CTNND1: variants seen among roughly 807,000 people sequenced by gnomAD.
CTNND1 encodes catenin delta 1.
Under a neutral mutation model 112.1 loss-of-function variants are expected in CTNND1, and 16 were observed. The ratio of observed to expected loss-of-function variants is 0.14; its 90% CI spans 0.10 to 0.22. CTNND1 has a LOEUF of 0.22. Ranked by LOEUF, CTNND1 falls within the 10% of genes least tolerant of loss-of-function variation. The pLI is 1.00. For missense variants in CTNND1, 1,008 were observed against 1,257.0 expected, an observed-to-expected ratio of 0.80 and a Z score of 3.00; for synonymous variants, 420 against 446.5, an observed-to-expected ratio of 0.94 and a Z score of 0.75.
intron 17 of CTNND1, among the ~76,000 whole-genome samples, chr11:57,812,569 A>G (rs977281394): frequency 2.0e-5 from 3 of 152,174 alleles, no homozygotes; most frequent in African/African-American, 7.2e-5. Flanking sequence ...TTGAGTATAC[A>G]TCTTTTTAAT....
At chr11:57,801,051 C>T (rs1215190508) in intron 6 of CTNND1, among the ~76,000 whole-genome samples, 1 of 152,170 alleles carries the variant, frequency 6.6e-6, no homozygotes, top group Non-Finnish European at 1.5e-5. Flanking sequence ...CCTCTTAACA[C>T]ATTTGTTGAG....
chr11:57,776,647 A>G lies in CTNND1; in HGVS notation c.-213-12390A>G, dbSNP rs535790773. Among the ~76,000 whole-genome samples the G allele has an allele frequency of 5.1e-4, 78 of 152,302 alleles. 1 individual carries two copies. Among genetic ancestry groups the G allele is most frequent in the Admixed American group, 6.5e-4 (10 of 15,302 alleles). On this transcript the variant is annotated intron_variant, in intron 1 of 20. Coordinates refer to ENST00000399050, the MANE Select transcript of CTNND1 (RefSeq NM_001085458.2). ...TTATTCCTTTAGTTGGGCTTTCTAA[A>G]TATGTCTGCAAAGAGTCTGAGATAC...
chr11:57,788,598 A>T lies in CTNND1; in HGVS notation c.-213-439A>T, dbSNP rs1275027905. 6.6e-6 allele frequency among the ~76,000 whole-genome samples: 1 copy of T among 152,054 alleles called. No homozygotes were observed. The highest frequency in any genetic ancestry group is 1.5e-5 in the Non-Finnish European group (1 of 68,008). ...AGGCTAGTCCCCACATGTCTTCCCC[A>T]CACAACTTTTGCATTGGTTTCTCAA... On this transcript the variant is annotated intron_variant, in intron 1 of 20. Coordinates refer to ENST00000399050, the MANE Select transcript of CTNND1 (RefSeq NM_001085458.2). This position sits in a 1 kb window ranked among gnomAD's most constrained non-coding sequence, Gnocchi z 4.1.
chr11:57,809,230 AC>A (rs780729975), intron 14 of CTNND1, 43 bp from the exon 15 acceptor site: 1 of 1,461,268 alleles, frequency 6.8e-7, no homozygotes, highest in Non-Finnish European at 9.5e-7. Context: ...GCTCTTCATG[AC>A]CTGACTTGAT....
chr11:57,815,183 T>C (rs2063812348), intron 18 of CTNND1, among the ~76,000 whole-genome samples: 1 of 152,118 alleles, frequency 6.6e-6, no homozygotes, highest in African/African-American at 2.4e-5. Context: ...CCGTCTCAGC[T>C]TCCCAAAGTG....
Position 57,796,837 on chromosome 11 carries a change from G to A in CTNND1, c.801G>A (p.Gly267=). The change falls in exon 6 of 21, where the codon GGG becomes GGA. Residue 267 remains glycine, a synonymous_variant. Transcript: ENST00000399050. ...YGPQPQVRVG[G]SSVDLHRFHP... is the part of the protein sequence containing the mutation. ...CCCAACCCCAGGTTCGGGTAGGTGGGAGCAGCGTGGATCTGCATCGCTTTC... is the reference window on the plus strand; with the variant it reads ...CCCAACCCCAGGTTCGGGTAGGTGGAAGCAGCGTGGATCTGCATCGCTTTC... 1 of 1,611,860 alleles carries A rather than the reference G, an allele frequency of 6.2e-7. No individual in the cohort carries two copies. The highest frequency in any genetic ancestry group is 8.5e-7 in the Non-Finnish European group (1 of 1,178,518).
chr11:57,796,354 T>C (rs1232541571), intron 5 of CTNND1, 103 bp from the exon 6 acceptor site: 78 of 1,154,674 alleles, frequency 6.8e-5, no homozygotes, highest in Admixed American at 1.1e-4. Context: ...GCCATTGCAC[T>C]CCAGCCAGGG....
intron 6 of CTNND1, among the ~76,000 whole-genome samples, chr11:57,799,784 A>G (rs1333043431): frequency 1.3e-5 from 2 of 152,174 alleles, no homozygotes; most frequent in Non-Finnish European, 2.9e-5. Context: ...CATGTTCAAT[A>G]CAGAGCCTGA....
rs2063997303 is a variant in CTNND1, at chr11:57,816,382, C to A, written c.*74C>A. ...GTGGTGAAATTGACTGATGATTTTCCTTTTTCTTCGCTGGACTATTGTGCC... is the reference window on the plus strand; with the variant it reads ...GTGGTGAAATTGACTGATGATTTTCATTTTTCTTCGCTGGACTATTGTGCC... On this transcript the variant is annotated 3_prime_UTR_variant, in exon 21 of 21. Coordinates refer to ENST00000399050, the MANE Select transcript of CTNND1 (RefSeq NM_001085458.2). 2 of 1,592,184 alleles carry A rather than the reference C, an allele frequency of 1.3e-6. No homozygotes were observed. Among genetic ancestry groups the A allele is most frequent in the East Asian group, 2.2e-5 (1 of 44,794 alleles).
rs200199564 is a variant in CTNND1, at chr11:57,804,733, A to G, written c.1675A>G (p.Ile559Val). The G allele has an allele frequency of 1.0e-4, 164 of 1,613,900 alleles. No individual in the cohort carries two copies. The highest frequency in any genetic ancestry group is 1.3e-4 in the Non-Finnish European group (157 of 1,179,834). Residue 559 changes from isoleucine to valine, a missense_variant, in exon 9 of 21, where the codon ATT (isoleucine) becomes GTT (valine). Transcript: ENST00000399050. ...RECDGLVDAL[I>V]FIVQAEIGQK... ...ATGTGATGGTTTAGTTGATGCCCTC[A>G]TTTTCATTGTTCAGGCTGAGATTGG...
At position 57,803,679 on chromosome 11, in the gene CTNND1, A is replaced by G; in HGVS notation, c.1479A>G (p.Ala493=). Residue 493 remains alanine (A), a synonymous_variant, in exon 8 of 21, where the codon GCA becomes GCG. Transcript: ENST00000399050. The part of the protein sequence containing the change: ...DSIKMEIVDH[A]LHALTDEVII... ...TCAAAATGGAGATTGTGGACCATGC[A>G]CTGCATGCCTTGACAGATGAAGTGA... 1 of 1,613,776 alleles carries G rather than the reference A, an allele frequency of 6.2e-7. No individual in the cohort carries two copies. The highest frequency in any genetic ancestry group is 8.5e-7 in the Non-Finnish European group (1 of 1,179,826).
Position 57,814,544 on chromosome 11 carries a change from C to T in CTNND1, c.2701+171C>T, listed in dbSNP as rs117630248. On this transcript the variant is annotated intron_variant, in intron 18 of 20. Transcript: ENST00000399050. ...TAAGGAAATTTAATAAAATCTGATC[C>T]GTCTACTTTTTCTACATTCCTACAT... is the stretch of plus-strand genomic sequence containing the variant. Among the ~76,000 whole-genome samples the T allele has an allele frequency of 8.3e-4, 127 of 152,158 alleles. 3 individuals carry two copies. The East Asian group carries it at 0.018, about 22-fold the overall frequency.
chr11:57,816,120 G>A, intron 20 of CTNND1, 119 bp downstream of exon 20: 7 of 1,143,726 alleles, frequency 6.1e-6, no homozygotes, highest in Non-Finnish European at 8.9e-6. Flanking sequence ...GCCACATGGG[G>A]CTCGAGGGGT....
chr11:57,803,711 C>T lies in CTNND1; in HGVS notation c.1511C>T (p.Pro504Leu). 1.2e-6 allele frequency: 2 copies of T among 1,613,620 alleles called. No homozygotes were observed. Among genetic ancestry groups the T allele is most frequent in the Non-Finnish European group, 8.5e-7 (1 of 1,179,716 alleles). Reference sequence around the variant, plus strand: ...GCCTTGACAGATGAAGTGATCATTCCTCATTCTGGTTGGGAGCGGGAACCT... The same window carrying T: ...GCCTTGACAGATGAAGTGATCATTCTTCATTCTGGTTGGGAGCGGGAACCT... Reference protein sequence around the residue: ...LHALTDEVIIPHSGWEREPNE... With the variant: ...LHALTDEVIILHSGWEREPNE... The change falls in exon 8 of 21, where the codon CCT (proline) becomes CTT (leucine). Residue 504 changes from proline to leucine, a missense_variant. Physicochemically the swap from Pro to Leu is moderately conservative, Grantham distance 98. Coordinates refer to ENST00000399050, the MANE Select transcript of CTNND1 (RefSeq NM_001085458.2).
At chr11:57,800,366 C>G in intron 6 of CTNND1, among the ~76,000 whole-genome samples, 1 of 151,820 alleles carries the variant, frequency 6.6e-6, no homozygotes, top group East Asian at 1.9e-4. Flanking sequence ...CTCTTGGGTT[C>G]AAGCGATTCT....
Position 57,808,511 on chromosome 11 carries a change from C to A in CTNND1, c.2213C>A (p.Ala738Asp). 1.2e-6 allele frequency: 2 copies of A among 1,606,000 alleles called. No individual in the cohort carries two copies. The highest frequency in any genetic ancestry group is 8.5e-7 in the Non-Finnish European group (1 of 1,177,350). The change falls in exon 14 of 21, where the codon GCT becomes GAT. Residue 738 changes from alanine (A) to aspartate (D), a missense_variant. Ala to Asp is a moderately radical substitution (Grantham distance 126). Transcript: ENST00000399050. Reference protein sequence around the residue: ...KAASGALRNLAVDARNKELIG... With the variant: ...KAASGALRNLDVDARNKELIG... ...GCATCTGGAGCACTGAGAAACCTGG[C>A]TGTGGATGCTCGCAACAAAGAATTA...
At chr11:57,797,419 T>C (rs2061460211) in intron 6 of CTNND1, among the ~76,000 whole-genome samples, 1 of 147,240 alleles carries the variant, frequency 6.8e-6, no homozygotes, top group Non-Finnish European at 1.5e-5. Context: ...TTAGTAGAGA[T>C]GGGGTTTCAC....
At chr11:57,766,786 T>G (rs540511649) in intron 1 of CTNND1, among the ~76,000 whole-genome samples, 1 of 152,302 alleles carries the variant, frequency 6.6e-6, no homozygotes, top group East Asian at 1.9e-4. Context: ...TACTTGGAAT[T>G]GCATGTTATT....
In CTNND1 at chr11:57,808,601, G is replaced by T. The variant is rs77961989; in HGVS notation, c.2242+61G>T. The T allele has an allele frequency of 9.8e-6, 14 of 1,423,242 alleles. No individual in the cohort carries two copies. In the East Asian group the frequency reaches 3.1e-4, roughly 32 times the overall value. The allele number at this position is 1,423,242 out of a possible 1,614,324, so 88.2% of individuals were successfully genotyped here. A position where few individuals can be genotyped will look rare whatever the true frequency, so the allele number is the denominator to read the frequency against. On this transcript the variant is annotated intron_variant, in intron 14 of 20. Coordinates refer to ENST00000399050, the MANE Select transcript of CTNND1 (RefSeq NM_001085458.2). The stretch of plus-strand genomic sequence containing the variant: ...TAGTACAGTGTTTGTAGTCCAGCAG[G>T]TGCCTAATAATTTATTGAATTTATT...
Sources: allele counts gnomAD v4.1 joint callset (sites outside exome capture counted in the v4.1 genomes callset), GRCh38; gene constraint gnomAD v4.1.1; non-coding constraint Gnocchi (gnomAD v3.1); transcripts MANE v1.5; gene names NCBI Gene and HGNC (gene_info 2026-07-23, HGNC 2026-07-21).